Variants in MGAT5 observed in about 807,000 individuals in gnomAD.
The protein encoded by MGAT5 is alpha-1,6-mannosylglycoprotein 6-beta-N-acetylglucosaminyltransferase.
MGAT5 carries 30 observed loss-of-function variants against 94.3 expected under a neutral mutation model. The observed-to-expected ratio is 0.32, with a 90% CI of 0.24 to 0.43. The LOEUF (loss-of-function observed/expected upper bound fraction) is 0.43. Among genes scored for constraint, MGAT5 ranks in the 20% least tolerant of loss-of-function variants. The pLI is 1.00. For missense variants in MGAT5, 691 were observed against 905.5 expected (o/e 0.76, Z 3.04); for synonymous variants, 310 against 322.9 (o/e 0.96, Z 0.43).
At chr2:134,424,214 G>T (rs983658597) in intron 13 of MGAT5, among the ~76,000 whole-genome samples, 1 of 152,146 alleles carries the variant, frequency 6.6e-6, no homozygotes. Context: ...CATATATCCT[G>T]GGAGGGATAG....
chr2:134,411,902 A>T (rs961809838), intron 11 of MGAT5, among the ~76,000 whole-genome samples: 1 of 152,130 alleles, frequency 6.6e-6, no homozygotes, highest in Non-Finnish European at 1.5e-5. Flanking sequence ...TTTCTCACTT[A>T]ATGTGCCCCT....
intron 10 of MGAT5, among the ~76,000 whole-genome samples, chr2:134,392,409 T>C (rs1024726217): frequency 6.6e-6 from 1 of 152,200 alleles, no homozygotes; most frequent in Non-Finnish European, 1.5e-5. Context: ...AAAAATCAGC[T>C]CTTCATTTAA....
intron 11 of MGAT5, among the ~76,000 whole-genome samples, chr2:134,404,679 C>T (rs77434340): frequency 0.015 from 2,338 of 152,308 alleles, 72 homozygotes; most frequent in African/African-American, 0.053. Context: ...ATCCTATCTA[C>T]GTCCAAGGCA....
At chr2:134,149,724 T>C (rs924960718) in intron 1 of MGAT5, among the ~76,000 whole-genome samples, 1 of 152,086 alleles carries the variant, frequency 6.6e-6, no homozygotes, top group African/African-American at 2.4e-5. Context: ...TCACCTCAGA[T>C]GGTTTGAATG....
intron 1 of MGAT5, among the ~76,000 whole-genome samples, chr2:134,189,607 T>TTTTTTTTTTTTTTTTTG (rs1553490420): frequency 0.011 from 860 of 80,528 alleles, 41 homozygotes; most frequent in Middle Eastern, 0.037. Flanking sequence ...TTTTTGTTTT[T>TTTTTTTTTTTTTTTTTG]TTTTTTTTTT....
chr2:134,440,880 A>G (rs1490284059), intron 14 of MGAT5, among the ~76,000 whole-genome samples: 1 of 152,152 alleles, frequency 6.6e-6, no homozygotes, highest in Non-Finnish European at 1.5e-5. Flanking sequence ...TGAGTAAATA[A>G]TTTATCTTAT....
intron 2 of MGAT5, among the ~76,000 whole-genome samples, chr2:134,278,791 C>T (rs2105701077): frequency 6.6e-6 from 1 of 152,322 alleles, no homozygotes; most frequent in South Asian, 2.1e-4. Context: ...CTCTTACACA[C>T]TTAACATGTT....
At chr2:134,206,991 T>C (rs575612952) in intron 1 of MGAT5, among the ~76,000 whole-genome samples, 6 of 152,218 alleles carry the variant, frequency 3.9e-5, no homozygotes, top group Non-Finnish European at 7.3e-5. Context: ...AATGACAATT[T>C]GTTATAGCAG....
intron 1 of MGAT5, among the ~76,000 whole-genome samples, chr2:134,235,429 A>G (rs1681587811): frequency 6.6e-6 from 1 of 152,110 alleles, no homozygotes; most frequent in Non-Finnish European, 1.5e-5. Context: ...TGATCGTGAT[A>G]CCCAGTGAGG....
At position 134,209,152 on chromosome 2, in the gene MGAT5, ATT is replaced by A. The variant is rs869116395; in HGVS notation, c.-142-45094_-142-45093del. 9.1e-4 allele frequency among the ~76,000 whole-genome samples: 19 copies of A among 20,776 alleles called. 4 individuals are homozygous for A. Among genetic ancestry groups the A allele is most frequent in the African/African-American group, 3.2e-3 (5 of 1,550 alleles). The allele number at this position is 20,776 out of a possible 152,430, so 13.6% of individuals were successfully genotyped here. A position where few individuals can be genotyped will look rare whatever the true frequency, so the allele number is the denominator to read the frequency against. On this transcript the variant is annotated intron_variant, in intron 1 of 16. Coordinates refer to the MGAT5 transcript ENST00000409645. ...TATAGAACTGGCTTATTTTTTTTTT[ATT>A]TTTTTTTTTTTTTTTATTTTTTTTT... is the stretch of plus-strand genomic sequence containing the variant.
chr2:134,254,330 T>C lies in MGAT5; in HGVS notation c.-74T>C, dbSNP rs1682799363. On this transcript the variant is annotated 5_prime_UTR_variant, in exon 1 of 16. Coordinates refer to ENST00000281923, the MANE Select transcript of MGAT5 (RefSeq NM_002410.5). ...GAGTGAGACCAGCAGACTCTCACAC[T>C]CAACCTACACCATGAATTTGTGTCT... 22 of 1,562,328 alleles carry C rather than the reference T, an allele frequency of 1.4e-5. No homozygotes were observed. Among genetic ancestry groups the C allele is most frequent in the Non-Finnish European group, 1.8e-5 (21 of 1,152,072 alleles).
chr2:134,198,298 G>C (rs1679597802), intron 1 of MGAT5, among the ~76,000 whole-genome samples: 1 of 152,210 alleles, frequency 6.6e-6, no homozygotes, highest in Non-Finnish European at 1.5e-5. Context: ...CACTGTGGAA[G>C]GTGCACTTTC....
At chr2:134,189,615 T>TGTTTTTTTTTTTTTG in intron 1 of MGAT5, among the ~76,000 whole-genome samples, 1 of 141,082 alleles carries the variant, frequency 7.1e-6, no homozygotes, top group Non-Finnish European at 1.5e-5. Flanking sequence ...TTTTTTTTTT[T>TGTTTTTTTTTTTTTG]TTTTTAAGAC....
At chr2:134,355,357 A>G (rs1679668881) in intron 9 of MGAT5, among the ~76,000 whole-genome samples, 1 of 151,890 alleles carries the variant, frequency 6.6e-6, no homozygotes, top group African/African-American at 2.4e-5. Context: ...TTTTCCTTCA[A>G]GACTCTACTC....
At chr2:134,437,274 G>A (rs1685215135) in intron 14 of MGAT5, among the ~76,000 whole-genome samples, 1 of 152,204 alleles carries the variant, frequency 6.6e-6, no homozygotes, top group Non-Finnish European at 1.5e-5. Flanking sequence ...ACAGGCATGA[G>A]CCACCCTGCC....
chr2:134,214,391 C>T (rs67455067), intron 1 of MGAT5, among the ~76,000 whole-genome samples: 43,061 of 152,122 alleles, frequency 0.28, 7,292 homozygotes, highest in East Asian at 0.58. Context: ...TGGCTTCCCT[C>T]GACCACATTG....
chr2:134,201,075 C>T (rs1350574911), intron 1 of MGAT5, among the ~76,000 whole-genome samples: 1 of 151,982 alleles, frequency 6.6e-6, no homozygotes, highest in Non-Finnish European at 1.5e-5. Flanking sequence ...CCACTACTCC[C>T]TGCTTGTCTT....
intron 1 of MGAT5, among the ~76,000 whole-genome samples, chr2:134,247,296 A>G (rs912641252): frequency 1.4e-5 from 2 of 145,460 alleles, no homozygotes; most frequent in African/African-American, 5.0e-5. Flanking sequence ...CTCATCTGGC[A>G]TTTAATTAGG....
chr2:134,311,864 C>T (rs1264480220), intron 2 of MGAT5, among the ~76,000 whole-genome samples: 1 of 152,108 alleles, frequency 6.6e-6, no homozygotes, highest in Non-Finnish European at 1.5e-5. Context: ...TGATCCTAGG[C>T]AATTAGAAGA....
Sources: gnomAD v4.1 joint callset for allele counts (sites outside exome capture counted in the v4.1 genomes callset) on GRCh38, gnomAD v4.1.1 for gene constraint, MANE v1.5 for transcripts, NCBI Gene and HGNC (gene_info 2026-07-23, HGNC 2026-07-21) for gene names.